Variants in PLCG2 observed in about 807,000 individuals in gnomAD.
PLCG2 encodes phospholipase C gamma 2, also known as 1-phosphatidylinositol 4,5-bisphosphate phosphodiesterase gamma-2.
In PLCG2, 69 loss-of-function variants were observed where a neutral mutation model predicts 175.6. That is an observed-to-expected ratio of 0.39 (90% CI 0.32 to 0.48). The LOEUF is 0.48. PLCG2 is among the 20% of genes least tolerant of loss of function. The pLI, the probability that PLCG2 is intolerant of heterozygous loss-of-function variation, is 0.91. For synonymous variants in PLCG2, 827 were observed against 624.0 expected (o/e 1.33, Z -4.85); for missense variants, 1,798 against 1,650.9 (o/e 1.09, Z -1.54).
At chr16:81,795,788 C>G (rs1055934963) in intron 2 of PLCG2, among the ~76,000 whole-genome samples, 6 of 152,106 alleles carry the variant, frequency 3.9e-5, no homozygotes, top group Admixed American at 1.3e-4. Context: ...CAGCCTTGAA[C>G]TCCTCGGATC....
chr16:81,865,882 G>A lies in PLCG2; in HGVS notation c.480-3332G>A, dbSNP rs1907206471. Among the ~76,000 whole-genome samples the A allele has an allele frequency of 6.2e-5, 8 of 128,176 alleles. No individual in the cohort carries two copies. In the South Asian group the frequency reaches 1.8e-3, roughly 29 times the overall value. 84.1% of individuals were successfully genotyped at this position (128,176 alleles called of 152,430 possible). On this transcript the variant is annotated intron_variant, in intron 5 of 32. Coordinates refer to ENST00000564138, the MANE Select transcript of PLCG2 (RefSeq NM_002661.5). ...AACTGGGGCACCAGCATGAGAGGAC[G>A]CTGGCCTCTCCCTTGCTCCCAGGAT... is the stretch of plus-strand genomic sequence containing the variant.
At chr16:81,746,027 G>A (rs1307542876) in intron 1 of PLCG2, among the ~76,000 whole-genome samples, 4 of 152,160 alleles carry the variant, frequency 2.6e-5, no homozygotes, top group African/African-American at 9.7e-5. Context: ...TGCACTTCTG[G>A]GGACAACATA....
chr16:81,839,111 G>C (rs532384567), intron 2 of PLCG2, among the ~76,000 whole-genome samples: 2 of 152,176 alleles, frequency 1.3e-5, no homozygotes, highest in African/African-American at 4.8e-5. Flanking sequence ...TTATTTTGCA[G>C]TTCCTATTGT....
At chr16:81,821,389 AAT>A (rs1416867294) in intron 2 of PLCG2, among the ~76,000 whole-genome samples, 1 of 152,214 alleles carries the variant, frequency 6.6e-6, no homozygotes, top group African/African-American at 2.4e-5. Context: ...GCTCTTGAAT[AAT>A]ATGAGTGAAT....
intron 1 of PLCG2, among the ~76,000 whole-genome samples, chr16:81,752,570 A>G (rs1909834447): frequency 6.6e-6 from 1 of 152,102 alleles, no homozygotes. Flanking sequence ...TTCAGCTTCC[A>G]TCTGAGGTCT....
chr16:81,875,793 G>C (rs9921809), intron 7 of PLCG2, among the ~76,000 whole-genome samples: 49,436 of 152,036 alleles, frequency 0.33, 8,234 homozygotes, highest in African/African-American at 0.37. Flanking sequence ...GGCTGCTAAC[G>C]TATCTCTGGT....
intron 22 of PLCG2, among the ~76,000 whole-genome samples, chr16:81,925,097 G>A (rs975184780): frequency 6.6e-6 from 1 of 152,192 alleles, no homozygotes; most frequent in African/African-American, 2.4e-5. Context: ...GTGTGAGATG[G>A]CCTCATGCCT....
chr16:81,778,898 C>G (rs1910584684), upstream of PLCG2, among the ~76,000 whole-genome samples: 2 of 152,236 alleles, frequency 1.3e-5, no homozygotes, highest in South Asian at 4.1e-4. Context: ...CGAGCTCAGA[C>G]GATCCTCCCG....
chr16:81,833,519 C>G (rs1166641269), intron 2 of PLCG2, among the ~76,000 whole-genome samples: 1 of 144,942 alleles, frequency 6.9e-6, no homozygotes, highest in Non-Finnish European at 1.5e-5. Flanking sequence ...TTTTCAATTT[C>G]AAAATTTAAA....
chr16:81,808,132 T>G (rs1904290200), intron 2 of PLCG2, among the ~76,000 whole-genome samples: 1 of 152,174 alleles, frequency 6.6e-6, no homozygotes, highest in South Asian at 2.1e-4. Flanking sequence ...TAGATGTGTT[T>G]TCCTTTCTCT....
intron 2 of PLCG2, among the ~76,000 whole-genome samples, chr16:81,761,909 C>G (rs895743499): frequency 1.0e-4 from 15 of 148,516 alleles, no homozygotes; most frequent in African/African-American, 3.7e-4. Flanking sequence ...TCGGCTCACT[C>G]TAACCTCTGC....
chr16:81,900,892 C>T (rs1381498929), intron 14 of PLCG2, 112 bp downstream of exon 14: 3 of 906,926 alleles, frequency 3.3e-6, no homozygotes, highest in Admixed American at 2.7e-5. Flanking sequence ...CTCCAGGTCC[C>T]ACTGCACAGG....
intron 2 of PLCG2, among the ~76,000 whole-genome samples, chr16:81,841,503 GGTGC>G (rs2143426389): frequency 1.3e-5 from 2 of 152,196 alleles, no homozygotes; most frequent in South Asian, 4.1e-4. Context: ...GGCCTCCCAA[GGTGC>G]TGGGATTACA....
rs745509265 is a variant in PLCG2 at position 81,937,916 on chromosome 16, C to G, written c.3198+13C>G. On this transcript the variant is annotated intron_variant, in intron 28 of 32. Transcript: ENST00000564138. ...GCTGACAGTCAAGGTAAAGCCAGCCCTCCCTTCCTGCCAGGGGAGCCAGCC... is the reference window on the plus strand; with the variant it reads ...GCTGACAGTCAAGGTAAAGCCAGCCGTCCCTTCCTGCCAGGGGAGCCAGCC... The G allele has an allele frequency of 1.9e-6, 3 of 1,613,408 alleles. No individual in the cohort carries two copies. Among genetic ancestry groups the G allele is most frequent in the East Asian group, 4.5e-5 (2 of 44,862 alleles).
intron 24 of PLCG2, among the ~76,000 whole-genome samples, chr16:81,930,008 CAT>C (rs1191918252): frequency 1.3e-5 from 2 of 152,156 alleles, no homozygotes; most frequent in Non-Finnish European, 2.9e-5. Flanking sequence ...TGACTTTCCA[CAT>C]GTGACTTTCT....
intron 5 of PLCG2, among the ~76,000 whole-genome samples, chr16:81,862,182 A>G (rs963360956): frequency 6.6e-6 from 1 of 152,236 alleles, no homozygotes; most frequent in Admixed American, 6.5e-5. Context: ...AGGAAAACAA[A>G]GGAGCCACAG....
At chr16:81,752,634 C>T (rs73604560) in intron 1 of PLCG2, among the ~76,000 whole-genome samples, 2,306 of 152,314 alleles carry the variant, frequency 0.015, 54 homozygotes, top group African/African-American at 0.052. Context: ...GCTCCCCCTC[C>T]CCAGCCAGAA....
chr16:81,919,984 A>G (rs1909995734), intron 20 of PLCG2, among the ~76,000 whole-genome samples: 1 of 152,218 alleles, frequency 6.6e-6, no homozygotes, highest in Non-Finnish European at 1.5e-5. Flanking sequence ...AGGGTGGTCT[A>G]GGAAGATCTC....
intron 15 of PLCG2, among the ~76,000 whole-genome samples, chr16:81,907,453 T>C (rs1909423912): frequency 1.3e-5 from 2 of 152,176 alleles, no homozygotes; most frequent in Admixed American, 1.3e-4. Context: ...CTCATGGATC[T>C]AAAAAGTCCA....
Sources: gnomAD v4.1 joint callset for allele counts (sites outside exome capture counted in the v4.1 genomes callset) on GRCh38, gnomAD v4.1.1 for gene constraint, MANE v1.5 for transcripts, NCBI Gene and HGNC (gene_info 2026-07-23, HGNC 2026-07-21) for gene names.